ESRRB: variants seen among roughly 807,000 people sequenced by gnomAD.
ESRRB encodes estrogen related receptor beta.
In ESRRB, 16 loss-of-function variants were observed where a neutral mutation model predicts 46.0. The observed-to-expected ratio is 0.35, with a 90% CI of 0.24 to 0.53. The LOEUF (loss-of-function observed/expected upper bound fraction) is 0.53. Ranked by LOEUF, ESRRB falls within the 20% of genes least tolerant of loss-of-function variation. The pLI, the probability that ESRRB is intolerant of heterozygous loss-of-function variation, is 0.93. For synonymous variants in ESRRB, 246 were observed against 259.6 expected, an observed-to-expected ratio of 0.95 and a Z score of 0.50; for missense variants, 488 against 607.4, an observed-to-expected ratio of 0.80 and a Z score of 2.07.
intron 1 of ESRRB, among the ~76,000 whole-genome samples, chr14:76,353,850 G>A (rs1884343268): frequency 6.6e-6 from 1 of 152,132 alleles, no homozygotes. Context: ...TTGTGGTCCA[G>A]CTACTCAGGA....
At chr14:76,475,999 A>G (rs1167979352) in intron 3 of ESRRB, among the ~76,000 whole-genome samples, 4 of 152,232 alleles carry the variant, frequency 2.6e-5, no homozygotes, top group African/African-American at 7.2e-5. Flanking sequence ...CACAACCAGG[A>G]TATTGACATT....
chr14:76,333,923 A>T lies in ESRRB; in HGVS notation c.2+23007A>T, dbSNP rs116548771. On this transcript the variant is annotated intron_variant, in intron 1 of 6. Coordinates refer to the ESRRB transcript ENST00000512784. ...GGTTAGGAGCACAAACTCTGCAGCC[A>T]CTTGCTAGCTGTGTGACCTCAGATA... 3.9e-3 allele frequency among the ~76,000 whole-genome samples: 591 copies of T among 152,076 alleles called. 6 individuals carry two copies. Among genetic ancestry groups the T allele is most frequent in the African/African-American group, 0.011 (451 of 41,472 alleles).
Position 76,493,248 on chromosome 14 carries a change from G to A in ESRRB, c.1120+1532G>A, listed in dbSNP as rs569246766. ...CGGCTCACTGCAACCTCTGCCTCCCGGGTTCAAGCGATTCTCGTGTCTCAG... is the reference window on the plus strand; with the variant it reads ...CGGCTCACTGCAACCTCTGCCTCCCAGGTTCAAGCGATTCTCGTGTCTCAG... On this transcript the variant is annotated intron_variant, in intron 6 of 6. Coordinates refer to ENST00000644823, the MANE Select transcript of ESRRB (RefSeq NM_001379180.1). Among the ~76,000 whole-genome samples the A allele has an allele frequency of 1.1e-4, 17 of 152,162 alleles. No individual in the cohort carries two copies. The South Asian group carries it at 3.3e-3, about 30-fold the overall frequency.
At chr14:76,322,743 G>A (rs1053826362) in intron 1 of ESRRB, among the ~76,000 whole-genome samples, 3 of 152,152 alleles carry the variant, frequency 2.0e-5, no homozygotes, top group African/African-American at 7.2e-5. Flanking sequence ...TGAGACGTGG[G>A]CAGTGGGGTC....
Position 76,376,562 on chromosome 14 carries a change from C to G in ESRRB, c.50+111C>G, listed in dbSNP as rs938931656. On this transcript the variant is annotated intron_variant, in intron 1 of 6. Transcript: ENST00000644823. The surrounding 1 kb of genome is among the most constrained non-coding windows in gnomAD (Gnocchi z 4.1). ...TCTTGTGTAAAAGTGGAAGGGACTT[C>G]GGGGGGGCACTTGGGGGACGAAGGA... 6.1e-6 allele frequency: 4 copies of G among 656,772 alleles called. No homozygotes were observed. Among genetic ancestry groups the G allele is most frequent in the Middle Eastern group, 4.9e-4 (1 of 2,060 alleles). The allele number at this position is 656,772 out of a possible 1,614,324, so 40.7% of individuals were successfully genotyped here.
At chr14:76,394,670 G>A (rs1885601257) in intron 1 of ESRRB, among the ~76,000 whole-genome samples, 1 of 152,216 alleles carries the variant, frequency 6.6e-6, no homozygotes, top group East Asian at 1.9e-4. Context: ...TTTACCCAGA[G>A]CTGTCTTGCA....
At chr14:76,347,413 A>AAG in intron 1 of ESRRB, among the ~76,000 whole-genome samples, 1 of 77,424 alleles carries the variant, frequency 1.3e-5, no homozygotes. Context: ...TTTGCTCATG[A>AAG]AGTGTGTGTG....
At chr14:76,442,816 CTT>C (rs1245748328) in intron 2 of ESRRB, among the ~76,000 whole-genome samples, 8 of 131,062 alleles carry the variant, frequency 6.1e-5, no homozygotes, top group East Asian at 2.2e-4. Flanking sequence ...TCTTTTTTTT[CTT>C]TTTTTTTTTT....
Position 76,499,228 on chromosome 14 carries a change from T to G in ESRRB, c.*770T>G. 1 of 261,156 alleles carries G rather than the reference T, an allele frequency of 3.8e-6. No homozygotes were observed. The highest frequency in any genetic ancestry group is 4.5e-5 in the South Asian group (1 of 22,326). The allele number at this position is 261,156 out of a possible 1,614,324, so 16.2% of individuals were successfully genotyped here. A position where few individuals can be genotyped will look rare whatever the true frequency, so the allele number is the denominator to read the frequency against. On this transcript the variant is annotated 3_prime_UTR_variant, in exon 7 of 7. Transcript: ENST00000644823. ...AGTGGGTTCAGCCAGCCACAGCGAC[T>G]CCAGGGGCTGTAGACAGGAACGCGC...
At position 76,376,689 on chromosome 14, in the gene ESRRB, G is replaced by A. The variant is rs1161549728; in HGVS notation, c.50+238G>A. 6.6e-6 allele frequency among the ~76,000 whole-genome samples: 1 copy of A among 152,152 alleles called. No individual in the cohort carries two copies. Among genetic ancestry groups the A allele is most frequent in the African/African-American group, 2.4e-5 (1 of 41,426 alleles). On this transcript the variant is annotated intron_variant, in intron 1 of 6. Transcript: ENST00000644823. This position sits in a 1 kb window ranked among gnomAD's most constrained non-coding sequence, Gnocchi z 4.1. ...CAAATCCACACTTTCAGGCAAGAGTGGCGCTTTCTCATGCACTTTCTCCCT... is the reference window on the plus strand; with the variant it reads ...CAAATCCACACTTTCAGGCAAGAGTAGCGCTTTCTCATGCACTTTCTCCCT...
chr14:76,469,814 T>C (rs535770356), intron 3 of ESRRB, among the ~76,000 whole-genome samples: 9 of 152,312 alleles, frequency 5.9e-5, no homozygotes, highest in African/African-American at 2.2e-4. Context: ...TTCATTTTCT[T>C]GTCCCATTCA....
chr14:76,358,407 G>T (rs928593049), intron 1 of ESRRB, among the ~76,000 whole-genome samples: 4 of 128,114 alleles, frequency 3.1e-5, no homozygotes, highest in Admixed American at 7.6e-5. Flanking sequence ...AAGAAAGAAA[G>T]AAAGAAAAGA....
At chr14:76,486,509 A>T (rs1201233256) in intron 5 of ESRRB, among the ~76,000 whole-genome samples, 4 of 152,020 alleles carry the variant, frequency 2.6e-5, no homozygotes, top group Non-Finnish European at 5.9e-5. Flanking sequence ...GTCGACAGAA[A>T]CGATCATAAA....
chr14:76,431,691 G>A (rs1887453246), intron 1 of ESRRB, among the ~76,000 whole-genome samples: 1 of 152,206 alleles, frequency 6.6e-6, no homozygotes, highest in Non-Finnish European at 1.5e-5. Flanking sequence ...AAGGGAAAAT[G>A]ATGCCCCAAG....
chr14:76,464,095 G>A (rs555346612), intron 3 of ESRRB, among the ~76,000 whole-genome samples: 1 of 152,332 alleles, frequency 6.6e-6, no homozygotes, highest in African/African-American at 2.4e-5. Flanking sequence ...TCCAAGGGGA[G>A]CCAGTGAAAA....
At chr14:76,361,008 G>T (rs1427964130) in intron 1 of ESRRB, among the ~76,000 whole-genome samples, 5 of 152,232 alleles carry the variant, frequency 3.3e-5, no homozygotes, top group Non-Finnish European at 7.3e-5. Context: ...TTATACCCAT[G>T]CACCTAACAC....
At chr14:76,448,328 CTTTTTTTT>C (rs33918963) in intron 2 of ESRRB, among the ~76,000 whole-genome samples, 34 of 133,488 alleles carry the variant, frequency 2.5e-4, no homozygotes, top group African/African-American at 8.4e-4. Flanking sequence ...ATTTACTTAC[CTTTTTTTT>C]TTTTTTTTTG....
Position 76,482,618 on chromosome 14 carries a change from C to T in ESRRB, c.709C>T (p.Leu237=), listed in dbSNP as rs755163561. The part of the protein sequence containing the change: ...KKPLTKIVSY[L]LVAEPDKLYA... ...TGCAGTGACCAAGATTGTCTCATAC[C>T]TACTGGTGGCTGAGCCGGACAAGCT... The change falls in exon 5 of 7, where the codon CTA becomes TTA. Residue 237 remains leucine, a synonymous_variant. Transcript: ENST00000644823. This position sits in a 1 kb window ranked among gnomAD's most constrained non-coding sequence, Gnocchi z 4.3. 1.9e-6 allele frequency: 3 copies of T among 1,614,016 alleles called. No individual in the cohort carries two copies. The highest frequency in any genetic ancestry group is 2.5e-6 in the Non-Finnish European group (3 of 1,180,018).
chr14:76,338,057 T>G (rs956784007), intron 1 of ESRRB, among the ~76,000 whole-genome samples: 2 of 152,150 alleles, frequency 1.3e-5, no homozygotes, highest in African/African-American at 4.8e-5. Context: ...AATTCTCCCC[T>G]CATTAATGAT....
Sources: gnomAD v4.1 joint callset for allele counts (sites outside exome capture counted in the v4.1 genomes callset) on GRCh38, gnomAD v4.1.1 for gene constraint, Gnocchi (gnomAD v3.1) non-coding constraint, MANE v1.5 for transcripts, NCBI Gene and HGNC (gene_info 2026-07-23, HGNC 2026-07-21) for gene names.